Variants in RPAP2 observed in about 807,000 individuals in gnomAD.
The protein encoded by RPAP2 is putative RNA polymerase II subunit B1 CTD phosphatase RPAP2.
RPAP2 carries 52 observed loss-of-function variants against 73.1 expected under a neutral mutation model. The observed-to-expected ratio is 0.71, with a 90% CI of 0.57 to 0.90. RPAP2 has a LOEUF of 0.90. RPAP2 is among the 40% of genes least tolerant of loss of function. The pLI is 0.00. For missense variants in RPAP2, 598 were observed against 701.8 expected (o/e 0.85, Z 1.67); for synonymous variants, 225 against 242.1 (o/e 0.93, Z 0.65).
At chr1:92,371,784 T>C (rs1374509617) in intron 11 of RPAP2, among the ~76,000 whole-genome samples, 1 of 147,522 alleles carries the variant, frequency 6.8e-6, no homozygotes, top group Non-Finnish European at 1.5e-5. Context: ...CCCAGCACTT[T>C]GGGAGGCTGA....
intron 11 of RPAP2, among the ~76,000 whole-genome samples, chr1:92,352,363 C>CAGAT (rs1654263255): frequency 6.6e-6 from 1 of 152,198 alleles, no homozygotes; most frequent in African/African-American, 2.4e-5. Flanking sequence ...AACCATCATA[C>CAGAT]AGATAGATAC....
chr1:92,333,046 A>G (rs1431833345), intron 8 of RPAP2, among the ~76,000 whole-genome samples: 2 of 152,112 alleles, frequency 1.3e-5, no homozygotes, highest in Non-Finnish European at 2.9e-5. Context: ...TAATATATTT[A>G]TAGTATTTGC....
intron 11 of RPAP2, among the ~76,000 whole-genome samples, chr1:92,366,358 T>C (rs971583286): frequency 1.3e-5 from 2 of 152,210 alleles, no homozygotes; most frequent in African/African-American, 4.8e-5. Context: ...ATTTGTTTCC[T>C]TATCAATTAT....
At chr1:92,363,476 A>G (rs1359936504) in intron 11 of RPAP2, among the ~76,000 whole-genome samples, 1 of 152,136 alleles carries the variant, frequency 6.6e-6, no homozygotes, top group African/African-American at 2.4e-5. Flanking sequence ...TAGAAGGGAG[A>G]GATTTTTACA....
intron 10 of RPAP2, among the ~76,000 whole-genome samples, chr1:92,343,506 A>G (rs1290438075): frequency 1.3e-5 from 2 of 152,194 alleles, no homozygotes; most frequent in Admixed American, 6.5e-5. Flanking sequence ...TTGGAAAATG[A>G]TGGGGAAAAT....
At chr1:92,311,208 A>C (rs945968131) in intron 6 of RPAP2, among the ~76,000 whole-genome samples, 1 of 152,130 alleles carries the variant, frequency 6.6e-6, no homozygotes, top group African/African-American at 2.4e-5. Context: ...TCTCAACACT[A>C]AGTCTCAGTT....
At chr1:92,380,443 C>T (rs1324375939) in intron 11 of RPAP2, among the ~76,000 whole-genome samples, 1 of 152,132 alleles carries the variant, frequency 6.6e-6, no homozygotes, top group Non-Finnish European at 1.5e-5. Flanking sequence ...GGAAAGAGTT[C>T]ATTTTCTGAG....
In RPAP2 at chr1:92,299,178, C is replaced by T. The variant is rs761395008; in HGVS notation, c.73+32C>T. Reference sequence around the variant, plus strand: ...GCAAGGATCTCTTCCCACTTTTGGACCCTGAAAGCTGGGCCCCGATCTCGA... The same window carrying T: ...GCAAGGATCTCTTCCCACTTTTGGATCCTGAAAGCTGGGCCCCGATCTCGA... On this transcript the variant is annotated intron_variant, in intron 1 of 12. Transcript: ENST00000610020. 36 of 1,360,798 alleles carry T rather than the reference C, an allele frequency of 2.6e-5. 1 individual carries two copies. In the South Asian group the frequency reaches 4.8e-4, roughly 18 times the overall value. The allele number at this position is 1,360,798 out of a possible 1,614,324, so 84.3% of individuals were successfully genotyped here.
intron 2 of RPAP2, among the ~76,000 whole-genome samples, 157 bp from the exon 3 acceptor site, chr1:92,301,319 A>G (rs1484763785): frequency 6.6e-6 from 1 of 152,238 alleles, no homozygotes; most frequent in East Asian, 1.9e-4. Context: ...CCTTGTCTCT[A>G]CAATTAAAAA....
intron 8 of RPAP2, among the ~76,000 whole-genome samples, chr1:92,331,424 CTT>C (rs1187719019): frequency 6.6e-6 from 1 of 152,144 alleles, no homozygotes; most frequent in Non-Finnish European, 1.5e-5. Flanking sequence ...CCTTTTCTCT[CTT>C]GCTTTCTTTT....
intron 9 of RPAP2, among the ~76,000 whole-genome samples, chr1:92,333,739 C>T (rs965096191): frequency 2.0e-5 from 3 of 152,128 alleles, no homozygotes; most frequent in African/African-American, 4.8e-5. Flanking sequence ...CTTACTCCCA[C>T]CTAATCAGTG....
At chr1:92,354,023 G>A (rs1360159581) in intron 11 of RPAP2, among the ~76,000 whole-genome samples, 1 of 151,986 alleles carries the variant, frequency 6.6e-6, no homozygotes, top group Non-Finnish European at 1.5e-5. Flanking sequence ...CACATTAAAA[G>A]TCACCAAGGA....
At chr1:92,373,746 A>AAAT (rs1655264737) in intron 11 of RPAP2, among the ~76,000 whole-genome samples, 3 of 135,788 alleles carry the variant, frequency 2.2e-5, no homozygotes, top group Middle Eastern at 3.4e-3. Flanking sequence ...AAATAAAAAA[A>AAAT]AAAAAAAAAA....
In RPAP2 at chr1:92,395,001, T is replaced by G. The variant is rs1163577605; in HGVS notation, c.*7990T>G. The G allele has an allele frequency of 6.6e-6, 1 of 152,178 alleles. No homozygotes were observed. Among genetic ancestry groups the G allele is most frequent in the East Asian group, 1.9e-4 (1 of 5,204 alleles). The allele number at this position is 152,178 out of a possible 1,614,324, so 9.4% of individuals were successfully genotyped here. A position where few individuals can be genotyped will look rare whatever the true frequency, so the allele number is the denominator to read the frequency against. ...GTGGAACAGAGTCCAGGAATAAACC[T>G]TCACATTTATGATCAATTAAGTTTT... On this transcript the variant is annotated 3_prime_UTR_variant, in exon 13 of 13. Coordinates refer to ENST00000610020, the MANE Select transcript of RPAP2 (RefSeq NM_024813.3).
At chr1:92,356,590 T>G (rs1315371137) in intron 11 of RPAP2, among the ~76,000 whole-genome samples, 3,732 of 149,920 alleles carry the variant, frequency 0.025, 114 homozygotes, top group African/African-American at 0.071. Context: ...GGCTAATTTT[T>G]TTTTTTTTTT....
At chr1:92,334,690 T>C (rs375405313) in intron 9 of RPAP2, among the ~76,000 whole-genome samples, 4 of 151,324 alleles carry the variant, frequency 2.6e-5, no homozygotes, top group African/African-American at 9.7e-5. Flanking sequence ...TCTACAAAAA[T>C]AAAAATAAAA....
chr1:92,301,468 A>G lies in RPAP2; in HGVS notation c.120-8A>G. The G allele has an allele frequency of 6.6e-7, 1 of 1,508,974 alleles. No homozygotes were observed. The allele number at this position is 1,508,974 out of a possible 1,614,324, so 93.5% of individuals were successfully genotyped here. A position where few individuals can be genotyped will look rare whatever the true frequency, so the allele number is the denominator to read the frequency against. On this transcript the variant is annotated splice_polypyrimidine_tract_variant and splice_region_variant and intron_variant, in intron 2 of 12. Coordinates refer to ENST00000610020, the MANE Select transcript of RPAP2 (RefSeq NM_024813.3). ...TTAAGTAGATTAAGTTTCTCTTTCA[A>G]ATTTTAGGAAAGCTGAACTAGAAGC... is the stretch of plus-strand genomic sequence containing the variant.
Position 92,324,235 on chromosome 1 carries a change from T to G in RPAP2, c.1315T>G (p.Ser439Ala), listed in dbSNP as rs776821208. 1 of 1,614,060 alleles carries G rather than the reference T, an allele frequency of 6.2e-7. No homozygotes were observed. The highest frequency in any genetic ancestry group is 8.5e-7 in the Non-Finnish European group (1 of 1,179,980). The change falls in exon 8 of 13, where the codon TCA becomes GCA. Residue 439 changes from serine to alanine, a missense_variant. Physicochemically the swap from Ser to Ala is moderately conservative, Grantham distance 99. This residue lies in a region of RPAP2 where 506 missense variants were observed against 612.8 expected (regional missense o/e 0.83). Coordinates refer to ENST00000610020, the MANE Select transcript of RPAP2 (RefSeq NM_024813.3). ...GGATGAGTCTTTACCTTTTAGGGGC[T>G]CAGGTACAGCCATTAAACCACTGCC... ...SLDESLPFRG[S>A]GTAIKPLPSY...
intron 11 of RPAP2, among the ~76,000 whole-genome samples, chr1:92,352,645 C>T (rs1266218720): frequency 6.6e-6 from 1 of 152,120 alleles, no homozygotes; most frequent in Non-Finnish European, 1.5e-5. Context: ...TATTTCCTTA[C>T]AACTATGGAA....
Sources: gnomAD v4.1 joint callset for allele counts (sites outside exome capture counted in the v4.1 genomes callset) on GRCh38, gnomAD v4.1.1 for gene constraint, gnomAD v4.1.1 regional missense constraint, MANE v1.5 for transcripts, NCBI Gene and HGNC (gene_info 2026-07-23, HGNC 2026-07-21) for gene names.